FOXP1: variants seen among roughly 807,000 people sequenced by gnomAD.
FOXP1 encodes forkhead box protein P1.
Under a neutral mutation model 98.2 loss-of-function variants are expected in FOXP1, and 15 were observed. The observed-to-expected ratio is 0.15, with a 90% CI of 0.10 to 0.24. FOXP1 has a LOEUF of 0.24. FOXP1 is among the 10% of genes least tolerant of loss of function. The pLI is 1.00. For missense variants in FOXP1, 633 were observed against 848.5 expected (o/e 0.75, Z 3.15); for synonymous variants, 371 against 314.5 (o/e 1.18, Z -1.90).
intron 6 of FOXP1, among the ~76,000 whole-genome samples, chr3:71,141,732 C>T (rs1156981026): frequency 1.3e-5 from 2 of 151,944 alleles, no homozygotes; most frequent in Non-Finnish European, 2.9e-5. Context: ...CATCAGCAAT[C>T]AACAAATCCA....
At chr3:71,375,731 A>G (rs1344257896) in intron 3 of FOXP1, among the ~76,000 whole-genome samples, 2 of 152,208 alleles carry the variant, frequency 1.3e-5, no homozygotes, top group South Asian at 4.1e-4. Flanking sequence ...TTAAAAGACA[A>G]GGATGGAGAA....
chr3:71,550,071 T>C (rs889855395), intron 2 of FOXP1, among the ~76,000 whole-genome samples: 2 of 152,072 alleles, frequency 1.3e-5, no homozygotes, highest in Admixed American at 1.3e-4. Context: ...CATAAATAAA[T>C]CAAAAGCAAG....
intron 3 of FOXP1, among the ~76,000 whole-genome samples, chr3:71,451,193 G>A (rs1252434331): frequency 6.6e-6 from 1 of 152,130 alleles, no homozygotes; most frequent in African/African-American, 2.4e-5. Flanking sequence ...GTTACGCATG[G>A]ACACAAGTAT....
chr3:71,079,916 A>G (rs2054230134), intron 7 of FOXP1, among the ~76,000 whole-genome samples: 1 of 152,268 alleles, frequency 6.6e-6, no homozygotes, highest in Middle Eastern at 3.2e-3. Flanking sequence ...AGAAACTTAA[A>G]TAACTCACTC....
intron 6 of FOXP1, among the ~76,000 whole-genome samples, chr3:71,187,903 C>T (rs2062740661): frequency 6.6e-6 from 1 of 152,142 alleles, no homozygotes; most frequent in Admixed American, 6.5e-5. Flanking sequence ...ATGTCATTCT[C>T]TCCCAGTCTT....
chr3:71,381,924 A>G (rs529168091), intron 3 of FOXP1, among the ~76,000 whole-genome samples: 3 of 152,220 alleles, frequency 2.0e-5, no homozygotes, highest in African/African-American at 7.2e-5. Context: ...AAGCCAAGGA[A>G]ATTGACATTT....
intron 4 of FOXP1, among the ~76,000 whole-genome samples, chr3:71,311,988 C>T (rs1472975042): frequency 6.6e-6 from 1 of 152,164 alleles, no homozygotes; most frequent in Non-Finnish European, 1.5e-5. Context: ...ATTAGAAACA[C>T]ATTTAGAAAA....
chr3:71,154,191 ATCACC>A (rs1206467572), intron 6 of FOXP1, among the ~76,000 whole-genome samples: 1 of 152,100 alleles, frequency 6.6e-6, no homozygotes, highest in African/African-American at 2.4e-5. Flanking sequence ...TAATATATCC[ATCACC>A]TCACCTACTT....
intron 2 of FOXP1, among the ~76,000 whole-genome samples, chr3:71,508,104 T>C (rs962323665): frequency 6.6e-6 from 1 of 152,254 alleles, no homozygotes; most frequent in African/African-American, 2.4e-5. Flanking sequence ...TCTTTTCTAA[T>C]GAGTGCTGCT....
At chr3:71,126,251 A>G (rs2687762) in intron 6 of FOXP1, among the ~76,000 whole-genome samples, 48,719 of 148,986 alleles carry the variant, frequency 0.33, 8,960 homozygotes, top group East Asian at 0.63. Flanking sequence ...TTGGGAGGCC[A>G]AGGCGGGCGG....
rs562357837 is a variant in FOXP1, at chr3:71,004,625, C to T, written c.975-3566G>A. Among the ~76,000 whole-genome samples, 5 of 152,042 alleles carry T rather than the reference C, an allele frequency of 3.3e-5. No homozygotes were observed. The East Asian group carries it at 5.8e-4, about 18-fold the overall frequency. On this transcript the variant is annotated intron_variant, in intron 12 of 20. Coordinates refer to ENST00000649528, the MANE Select transcript of FOXP1 (RefSeq NM_001349338.3). ...ATACTTAACGTTGTGCACATTTTGA[C>T]GACTTAAAAAAGAAAGACTTTCTAC...
At chr3:71,116,021 C>T (rs1026965636) in intron 6 of FOXP1, among the ~76,000 whole-genome samples, 5 of 152,192 alleles carry the variant, frequency 3.3e-5, no homozygotes, top group African/African-American at 1.2e-4. Flanking sequence ...TAGGCGTGAG[C>T]CACCGTGTCC....
At chr3:71,227,804 C>T (rs1576475825) in intron 5 of FOXP1, among the ~76,000 whole-genome samples, 3 of 151,414 alleles carry the variant, frequency 2.0e-5, no homozygotes, top group South Asian at 2.1e-4. Context: ...AACGTATTTA[C>T]CTGCTATTCA....
chr3:71,267,697 T>A (rs2069836344), intron 5 of FOXP1, among the ~76,000 whole-genome samples: 1 of 152,174 alleles, frequency 6.6e-6, no homozygotes, highest in South Asian at 2.1e-4. Flanking sequence ...TCACTTCTGG[T>A]AGACAGGGTT....
At chr3:71,354,927 G>A (rs1005037288) in intron 4 of FOXP1, among the ~76,000 whole-genome samples, 2 of 152,234 alleles carry the variant, frequency 1.3e-5, no homozygotes, top group Non-Finnish European at 2.9e-5. Flanking sequence ...GAATGAGAGT[G>A]TTGGGGTTTG....
chr3:71,120,722 A>G (rs558478866), intron 6 of FOXP1, among the ~76,000 whole-genome samples: 2 of 152,306 alleles, frequency 1.3e-5, no homozygotes, highest in East Asian at 3.9e-4. Flanking sequence ...GGTAAAGGCC[A>G]GGCCAAAGCA....
chr3:71,093,769 C>T lies in FOXP1; in HGVS notation c.282+18767G>A, dbSNP rs566917910. The stretch of plus-strand genomic sequence containing the variant: ...TTCCCAGAGGCCTTGCTCTCAGAAT[C>T]GCTATGTCATTTACACCAAACTTTA... On this transcript the variant is annotated intron_variant, in intron 7 of 20. Transcript: ENST00000649528. Among the ~76,000 whole-genome samples, 82 of 151,832 alleles carry T rather than the reference C, an allele frequency of 5.4e-4. 1 individual carries two copies. Among genetic ancestry groups the T allele is most frequent in the African/African-American group, 1.7e-3 (72 of 41,438 alleles).
At chr3:71,301,790 A>G (rs949743901) in intron 4 of FOXP1, among the ~76,000 whole-genome samples, 1 of 152,188 alleles carries the variant, frequency 6.6e-6, no homozygotes, top group Non-Finnish European at 1.5e-5. Flanking sequence ...CCTGCGGAAC[A>G]CTTTCAGGTA....
At chr3:71,201,410 C>G (rs1379613947) in intron 5 of FOXP1, among the ~76,000 whole-genome samples, 1 of 152,182 alleles carries the variant, frequency 6.6e-6, no homozygotes, top group Non-Finnish European at 1.5e-5. Flanking sequence ...CTTTGGGAGG[C>G]CAAGGCAGGC....
Sources: gnomAD v4.1 joint callset for allele counts (sites outside exome capture counted in the v4.1 genomes callset) on GRCh38, gnomAD v4.1.1 for gene constraint, MANE v1.5 for transcripts, NCBI Gene and HGNC (gene_info 2026-07-23, HGNC 2026-07-21) for gene names.